IP6K1: variants seen among roughly 807,000 people sequenced by gnomAD.
IP6K1 encodes inositol hexakisphosphate kinase 1.
IP6K1 carries 13 observed loss-of-function variants against 38.3 expected under a neutral mutation model. That is an observed-to-expected ratio of 0.34 (90% CI 0.22 to 0.54). The LOEUF (loss-of-function observed/expected upper bound fraction) is 0.54. Among genes scored for constraint, IP6K1 ranks in the 20% least tolerant of loss-of-function variants. The pLI, the probability that IP6K1 is intolerant of heterozygous loss-of-function variation, is 0.92. For missense variants in IP6K1, 397 were observed against 599.8 expected (o/e 0.66, Z 3.53); for synonymous variants, 212 against 229.9 (o/e 0.92, Z 0.70).
At chr3:49,777,882 C>A (rs1201236979) in intron 1 of IP6K1, among the ~76,000 whole-genome samples, 1 of 152,006 alleles carries the variant, frequency 6.6e-6, no homozygotes, top group African/African-American at 2.4e-5. Context: ...GCCACGCACT[C>A]CAGCCTGGGC....
At position 49,782,680 on chromosome 3, in the gene IP6K1, G is replaced by A. The variant is rs539880958; in HGVS notation, c.-129+3674C>T. Among the ~76,000 whole-genome samples the A allele has an allele frequency of 1.1e-4, 17 of 150,156 alleles. 1 individual carries two copies. The South Asian group carries it at 3.4e-3, about 30-fold the overall frequency. On this transcript the variant is annotated intron_variant, in intron 1 of 5. Transcript: ENST00000321599. ...AAGAAAATTAGCCAGGCATGGTGGC[G>A]CATGTGTGTAGTCCTAGCTACTTTG...
chr3:49,744,349 G>A (rs1263877069), intron 2 of IP6K1, among the ~76,000 whole-genome samples: 1 of 145,530 alleles, frequency 6.9e-6, no homozygotes, highest in Non-Finnish European at 1.5e-5. Context: ...TTGCAGTGAG[G>A]CGAGACTGCG....
intron 1 of IP6K1, among the ~76,000 whole-genome samples, chr3:49,757,787 C>T (rs2080837197): frequency 6.6e-6 from 1 of 152,084 alleles, no homozygotes; most frequent in Non-Finnish European, 1.5e-5. Context: ...AAGCTCTTGT[C>T]ACTCACGCTA....
intron 1 of IP6K1, among the ~76,000 whole-genome samples, chr3:49,767,952 T>C (rs2080926359): frequency 6.7e-6 from 1 of 149,384 alleles, no homozygotes. Flanking sequence ...CCAAAAAATA[T>C]GCAAAAAGAT....
In IP6K1 at chr3:49,727,041, T is replaced by C; in HGVS notation, c.*81A>G. 7.4e-7 allele frequency: 1 copy of C among 1,352,382 alleles called. No individual in the cohort carries two copies. The highest frequency in any genetic ancestry group is 1.0e-6 in the Non-Finnish European group (1 of 986,058). The allele number at this position is 1,352,382 out of a possible 1,614,324, so 83.8% of individuals were successfully genotyped here. On this transcript the variant is annotated 3_prime_UTR_variant, in exon 6 of 6. Coordinates refer to ENST00000321599, the MANE Select transcript of IP6K1 (RefSeq NM_153273.4). This position sits in a 1 kb window ranked among gnomAD's most constrained non-coding sequence, Gnocchi z 5.9. Reference sequence around the variant, plus strand: ...AAATATAACCCTTTAAAAGCAAGTCTGTGTGTCCTCACGGCAAGTTCAGAA... The same window carrying C: ...AAATATAACCCTTTAAAAGCAAGTCCGTGTGTCCTCACGGCAAGTTCAGAA...
At chr3:49,743,540 T>C (rs898829395) in intron 2 of IP6K1, among the ~76,000 whole-genome samples, 2 of 151,510 alleles carry the variant, frequency 1.3e-5, no homozygotes, top group African/African-American at 4.8e-5. Flanking sequence ...AATTACCTAG[T>C]TGTAGTGGCG....
At chr3:49,780,610 A>G (rs985851236) in intron 1 of IP6K1, among the ~76,000 whole-genome samples, 26 of 152,160 alleles carry the variant, frequency 1.7e-4, no homozygotes, top group Middle Eastern at 3.2e-3. Flanking sequence ...CCAAGGAGGC[A>G]GTGAGATCAA....
intron 1 of IP6K1, among the ~76,000 whole-genome samples, chr3:49,783,119 CAA>C (rs1177853458): frequency 1.3e-4 from 13 of 100,900 alleles, no homozygotes; most frequent in Non-Finnish European, 1.2e-4. Context: ...GACTCTGTCT[CAA>C]AAAAAAAAAA....
Position 49,727,126 on chromosome 3 carries a change from T to C in IP6K1, c.1322A>G (p.Gln441Arg), listed in dbSNP as rs752626004. 1.3e-6 allele frequency: 2 copies of C among 1,599,378 alleles called. No individual in the cohort carries two copies. Among genetic ancestry groups the C allele is most frequent in the Admixed American group, 3.4e-5 (2 of 59,330 alleles). Residue 441 changes from glutamine (Q) to arginine (R), a missense_variant, in exon 6 of 6, where the codon CAG becomes CGG. Gln to Arg is a conservative substitution (Grantham distance 43). Around this residue, in one of 3 missense-constraint regions of IP6K1, gnomAD observed 164 missense variants for 213.5 expected, o/e 0.77. Transcript: ENST00000321599. The surrounding 1 kb of genome is among the most constrained non-coding windows in gnomAD (Gnocchi z 5.9). ...SIMEQMRDEN[Q>R] The stretch of plus-strand genomic sequence containing the variant: ...TCTGGGGGCCCAGAACAGGGCCTAC[T>C]GGTTCTCGTCCCGCATCTGTTCCAT...
At chr3:49,783,218 C>T (rs2081083054) in intron 1 of IP6K1, among the ~76,000 whole-genome samples, 4 of 151,812 alleles carry the variant, frequency 2.6e-5, no homozygotes, top group Admixed American at 2.6e-4. Flanking sequence ...AGTTCAAGCC[C>T]AGTCTGGGCA....
chr3:49,782,239 C>T (rs975536185), intron 1 of IP6K1, among the ~76,000 whole-genome samples: 3 of 151,892 alleles, frequency 2.0e-5, no homozygotes, highest in East Asian at 2.0e-4. Context: ...GGCGCAATCT[C>T]GGCTCACTGC....
chr3:49,753,993 T>TA (rs1291960431), intron 1 of IP6K1, among the ~76,000 whole-genome samples: 1 of 151,886 alleles, frequency 6.6e-6, no homozygotes, highest in Non-Finnish European at 1.5e-5. Context: ...GGAGGAGAAT[T>TA]AGACTGTTTT....
intron 3 of IP6K1, among the ~76,000 whole-genome samples, chr3:49,733,951 A>G (rs1354881861): frequency 2.6e-5 from 4 of 152,114 alleles, no homozygotes; most frequent in Non-Finnish European, 5.9e-5. Flanking sequence ...GCAACATGTC[A>G]AAACTCCATC....
At chr3:49,765,502 TAGC>T (rs1165797880) in intron 1 of IP6K1, among the ~76,000 whole-genome samples, 3 of 142,792 alleles carry the variant, frequency 2.1e-5, no homozygotes, top group Non-Finnish European at 3.0e-5. Flanking sequence ...AAAAAAAAAT[TAGC>T]AGGGCATGGT....
In IP6K1 at chr3:49,729,416, A is replaced by T. The variant is rs901396804; in HGVS notation, c.617-1138T>A. Reference sequence around the variant, plus strand: ...ATTTATTTTTGTTATTTTTTATTTTATTTTTTTTTTGAGACGGAGTTTCGC... The same window carrying T: ...ATTTATTTTTGTTATTTTTTATTTTTTTTTTTTTTTGAGACGGAGTTTCGC... On this transcript the variant is annotated intron_variant, in intron 4 of 5. Transcript: ENST00000321599. Among the ~76,000 whole-genome samples the T allele has an allele frequency of 1.7e-4, 25 of 147,354 alleles. No individual in the cohort carries two copies. In the East Asian group the frequency reaches 2.0e-3, roughly 12 times the overall value.
chr3:49,749,520 C>A (rs999659497), intron 1 of IP6K1, among the ~76,000 whole-genome samples: 5 of 152,028 alleles, frequency 3.3e-5, no homozygotes, highest in African/African-American at 1.2e-4. Context: ...GAATATGGTC[C>A]CATATGTAAG....
intron 1 of IP6K1, chr3:49,758,607 T>A (rs906526473): frequency 1.3e-5 from 2 of 152,310 alleles, no homozygotes; most frequent in African/African-American, 2.4e-5. Context: ...TATGACTTCA[T>A]GAAAGAATTT....
chr3:49,770,816 ATTAT>A (rs1559714315), intron 1 of IP6K1, among the ~76,000 whole-genome samples: 1 of 152,138 alleles, frequency 6.6e-6, no homozygotes, highest in Non-Finnish European at 1.5e-5. Flanking sequence ...AAAACCTCTG[ATTAT>A]TTATTTATGA....
At chr3:49,782,459 G>A (rs919655567) in intron 1 of IP6K1, among the ~76,000 whole-genome samples, 5 of 151,862 alleles carry the variant, frequency 3.3e-5, no homozygotes, top group South Asian at 2.1e-4. Context: ...TTGAGCCACC[G>A]CGCCCGGCCT....
Sources: allele counts gnomAD v4.1 joint callset (sites outside exome capture counted in the v4.1 genomes callset), GRCh38; gene constraint gnomAD v4.1.1; regional missense constraint gnomAD v4.1.1; non-coding constraint Gnocchi (gnomAD v3.1); transcripts MANE v1.5; gene names NCBI Gene and HGNC (gene_info 2026-07-23, HGNC 2026-07-21).